Variants in ITGBL1 observed in about 807,000 individuals in gnomAD.
ITGBL1 encodes the protein integrin subunit beta like 1.
In ITGBL1, 51 loss-of-function variants were observed where a neutral mutation model predicts 68.5. The ratio of observed to expected loss-of-function variants is 0.74; its 90% CI spans 0.59 to 0.94. The LOEUF (loss-of-function observed/expected upper bound fraction) is 0.94. Among genes scored for constraint, ITGBL1 ranks in the 40% least tolerant of loss-of-function variants. The probability of loss-of-function intolerance (pLI) is 0.00; values close to 1 mark genes in which losing one functional copy is unlikely to be tolerated. For synonymous variants in ITGBL1, 209 were observed against 227.3 expected (o/e 0.92, Z 0.72); for missense variants, 649 against 647.4 (o/e 1.00, Z -0.03).
Position 101,674,381 on chromosome 13 carries a change from G to A in ITGBL1, c.1016-18204G>A, listed in dbSNP as rs535183406. On this transcript the variant is annotated intron_variant, in intron 7 of 10. Transcript: ENST00000376180. ...GTACTTCCATAGTTTACTATGACAT[G>A]TTCTGCATTGCTGTGCGTGTTCCTG... is the stretch of plus-strand genomic sequence containing the variant. 2.0e-5 allele frequency among the ~76,000 whole-genome samples: 3 copies of A among 152,218 alleles called. No individual in the cohort carries two copies. In the East Asian group the frequency reaches 5.8e-4, roughly 29 times the overall value.
intron 2 of ITGBL1, among the ~76,000 whole-genome samples, chr13:101,482,873 G>A (rs907881719): frequency 7.2e-5 from 11 of 152,140 alleles, no homozygotes; most frequent in Non-Finnish European, 1.5e-4. Flanking sequence ...AGCAGCACAC[G>A]CATCAACGGG....
chr13:101,574,832 C>A (rs2050330089), intron 3 of ITGBL1, among the ~76,000 whole-genome samples: 1 of 152,020 alleles, frequency 6.6e-6, no homozygotes, highest in African/African-American at 2.4e-5. Context: ...TGGTGAGTTA[C>A]CAGCAATCCA....
intron 2 of ITGBL1, among the ~76,000 whole-genome samples, chr13:101,502,922 T>A (rs2048967194): frequency 6.6e-6 from 1 of 152,174 alleles, no homozygotes; most frequent in South Asian, 2.1e-4. Flanking sequence ...TTAGTGTTTT[T>A]CCATTATGCC....
intron 2 of ITGBL1, among the ~76,000 whole-genome samples, chr13:101,474,861 A>G (rs984901211): frequency 6.6e-6 from 1 of 152,230 alleles, no homozygotes; most frequent in Admixed American, 6.5e-5. Context: ...TCACGGCATT[A>G]CTGGGCTTGG....
chr13:101,557,500 A>T (rs1213122014), intron 2 of ITGBL1, among the ~76,000 whole-genome samples: 1 of 152,214 alleles, frequency 6.6e-6, no homozygotes, highest in Non-Finnish European at 1.5e-5. Context: ...TCAGATAAAG[A>T]ATTCTTTCAC....
At chr13:101,597,182 G>A (rs74336160) in intron 6 of ITGBL1, among the ~76,000 whole-genome samples, 8,925 of 152,062 alleles carry the variant, frequency 0.059, 845 homozygotes, top group African/African-American at 0.2. Flanking sequence ...GAGGTATATG[G>A]AATATCTCCG....
At chr13:101,653,001 CAGG>C (rs2032798272) in intron 7 of ITGBL1, among the ~76,000 whole-genome samples, 1 of 151,996 alleles carries the variant, frequency 6.6e-6, no homozygotes, top group African/African-American at 2.4e-5. Context: ...GAGGCTGAAG[CAGG>C]AGAATTGCTC....
intron 2 of ITGBL1, among the ~76,000 whole-genome samples, chr13:101,500,232 A>G (rs2048918847): frequency 6.6e-6 from 1 of 152,214 alleles, no homozygotes; most frequent in Non-Finnish European, 1.5e-5. Context: ...ATTATGCAGT[A>G]TCTCTTTATA....
intron 7 of ITGBL1, among the ~76,000 whole-genome samples, chr13:101,615,176 AT>A (rs1323021395): frequency 6.6e-6 from 1 of 151,940 alleles, no homozygotes; most frequent in East Asian, 2.0e-4. Flanking sequence ...CTCTCTTCAC[AT>A]GGCTATCTTA....
chr13:101,709,371 C>CAAAAAAAAAAAAAA (rs747662212), intron 9 of ITGBL1, among the ~76,000 whole-genome samples: 13 of 61,198 alleles, frequency 2.1e-4, no homozygotes, highest in African/African-American at 1.1e-3. Flanking sequence ...GACTCCGTCT[C>CAAAAAAAAAAAAAA]AAAAAAAAAA....
intron 2 of ITGBL1, among the ~76,000 whole-genome samples, chr13:101,562,773 G>A (rs1351737514): frequency 6.6e-6 from 1 of 151,826 alleles, no homozygotes; most frequent in African/African-American, 2.4e-5. Context: ...AAATTAGTGA[G>A]GATATAGCAA....
intron 2 of ITGBL1, among the ~76,000 whole-genome samples, chr13:101,514,950 A>G (rs1285102256): frequency 1.3e-5 from 2 of 152,112 alleles, no homozygotes; most frequent in African/African-American, 4.8e-5. Context: ...ATGAAAATAC[A>G]AAGTGCAACT....
chr13:101,646,803 G>C (rs943352613), intron 7 of ITGBL1, among the ~76,000 whole-genome samples: 2 of 151,992 alleles, frequency 1.3e-5, no homozygotes, highest in African/African-American at 4.8e-5. Flanking sequence ...ACTTTTCAAA[G>C]GACAGTGAAA....
intron 7 of ITGBL1, among the ~76,000 whole-genome samples, chr13:101,690,442 T>G (rs2139550926): frequency 6.6e-6 from 1 of 152,282 alleles, no homozygotes; most frequent in African/African-American, 2.4e-5. Flanking sequence ...ACGTAGAAAC[T>G]GGTTCTATGT....
At chr13:101,457,182 A>C (rs889496368) in intron 2 of ITGBL1, among the ~76,000 whole-genome samples, 5 of 152,196 alleles carry the variant, frequency 3.3e-5, no homozygotes, top group African/African-American at 1.2e-4. Flanking sequence ...GATGCATAAC[A>C]AGTGGGCTAG....
chr13:101,611,545 T>C (rs1446347559), intron 7 of ITGBL1, among the ~76,000 whole-genome samples: 1 of 152,196 alleles, frequency 6.6e-6, no homozygotes, highest in Admixed American at 6.5e-5. Context: ...TGTATATAGA[T>C]GCCTACATGT....
intron 2 of ITGBL1, among the ~76,000 whole-genome samples, chr13:101,559,674 G>A (rs758280018): frequency 6.6e-6 from 1 of 152,112 alleles, no homozygotes; most frequent in Non-Finnish European, 1.5e-5. Context: ...GCTGTCATGG[G>A]AAAAACATAG....
At chr13:101,515,092 C>T (rs2049174607) in intron 2 of ITGBL1, among the ~76,000 whole-genome samples, 1 of 152,092 alleles carries the variant, frequency 6.6e-6, no homozygotes. Context: ...GGATACTCAA[C>T]ACTTTCATTA....
chr13:101,585,697 TG>T (rs1245432477), intron 6 of ITGBL1, among the ~76,000 whole-genome samples: 2 of 152,152 alleles, frequency 1.3e-5, no homozygotes, highest in Admixed American at 1.3e-4. Context: ...CCCAAAGTGC[TG>T]GGATTACAGG....
Sources: gnomAD v4.1 joint callset for allele counts (sites outside exome capture counted in the v4.1 genomes callset) on GRCh38, gnomAD v4.1.1 for gene constraint, MANE v1.5 for transcripts, NCBI Gene and HGNC (gene_info 2026-07-23, HGNC 2026-07-21) for gene names.